Variants in SHC3 observed in about 807,000 individuals in gnomAD.
SHC3 encodes the protein SHC-transforming protein 3.
In SHC3, 15 loss-of-function variants were observed where a neutral mutation model predicts 60.4. The observed-to-expected ratio is 0.25, with a 90% CI of 0.17 to 0.38. The LOEUF is 0.38. Among genes scored for constraint, SHC3 ranks in the 10% least tolerant of loss-of-function variants. The pLI is 1.00. For missense variants in SHC3, 677 were observed against 786.1 expected (o/e 0.86, Z 1.66); for synonymous variants, 294 against 325.9 (o/e 0.90, Z 1.05).
chr9:89,091,288 T>A (rs1825617662), intron 2 of SHC3, among the ~76,000 whole-genome samples: 1 of 151,958 alleles, frequency 6.6e-6, no homozygotes, highest in Non-Finnish European at 1.5e-5. Flanking sequence ...ACAACCAAAA[T>A]CAGAACCAGA....
intron 3 of SHC3, among the ~76,000 whole-genome samples, chr9:89,077,221 C>T (rs776989980): frequency 6.6e-6 from 1 of 151,894 alleles, no homozygotes; most frequent in Non-Finnish European, 1.5e-5. Context: ...AATAAATGCT[C>T]AACATGCATC....
rs1587692983 is a variant in SHC3, at chr9:89,045,743, C to T, written c.1201+3G>A. The T allele has an allele frequency of 7.4e-6, 12 of 1,613,962 alleles. No homozygotes were observed. In the East Asian group the frequency reaches 2.5e-4, roughly 33 times the overall value. On this transcript the variant is annotated splice_donor_region_variant and intron_variant, in intron 9 of 11. Transcript: ENST00000375835. ...TTCTCACCCATCTCACCTTGCCTCT[C>T]ACCTTGCCTTAAAGGTGTTTGCTGC...
In SHC3 at chr9:89,013,380, C is replaced by T. The variant is rs1468826178; in HGVS notation, c.*67G>A. ...CAGGCAGCTGTCCCAGTTCCAGCAG[C>T]CCCGATTCTAGTCCACTCCAGGTCC... On this transcript the variant is annotated 3_prime_UTR_variant, in exon 12 of 12. Coordinates refer to ENST00000375835, the MANE Select transcript of SHC3 (RefSeq NM_016848.6). 3.6e-6 allele frequency: 5 copies of T among 1,407,582 alleles called. No homozygotes were observed. Among genetic ancestry groups the T allele is most frequent in the African/African-American group, 2.9e-5 (2 of 68,452 alleles). 87.2% of individuals were successfully genotyped at this position (1,407,582 alleles called of 1,614,324 possible).
intron 5 of SHC3, among the ~76,000 whole-genome samples, chr9:89,065,883 G>A (rs1439274917): frequency 1.3e-5 from 2 of 152,162 alleles, no homozygotes; most frequent in Non-Finnish European, 2.9e-5. Context: ...ACCGGAACTG[G>A]TTAGAAGTCC....
At chr9:89,176,951 C>A (rs1476214790) in intron 1 of SHC3, among the ~76,000 whole-genome samples, 1 of 152,200 alleles carries the variant, frequency 6.6e-6, no homozygotes, top group South Asian at 2.1e-4. Flanking sequence ...CCAATATTTA[C>A]GGAACAGACA....
intron 11 of SHC3, among the ~76,000 whole-genome samples, chr9:89,028,412 ACCTG>A (rs1826356063): frequency 2.0e-5 from 3 of 151,638 alleles, no homozygotes; most frequent in African/African-American, 7.3e-5. Context: ...GCAAACCAAC[ACCTG>A]CCTCAGAAGA....
intron 11 of SHC3, among the ~76,000 whole-genome samples, chr9:89,015,720 G>A (rs569330392): frequency 6.6e-6 from 1 of 152,176 alleles, no homozygotes; most frequent in Non-Finnish European, 1.5e-5. Flanking sequence ...AAACCACTGG[G>A]CAGCCAGGAC....
At position 89,127,871 on chromosome 9, in the gene SHC3, C is replaced by A. The variant is rs76144397; in HGVS notation, c.475-15245G>T. Among the ~76,000 whole-genome samples the A allele has an allele frequency of 2.6e-3, 399 of 152,012 alleles. 4 individuals are homozygous for A. Among genetic ancestry groups the A allele is most frequent in the African/African-American group, 8.5e-3 (353 of 41,462 alleles). ...TAGGATCCAGTATAAAAATGGGACCCTTAATTTTTGAGATCTGTTTTACCT... is the reference window on the plus strand; with the variant it reads ...TAGGATCCAGTATAAAAATGGGACCATTAATTTTTGAGATCTGTTTTACCT... On this transcript the variant is annotated intron_variant, in intron 1 of 11. Transcript: ENST00000375835.
intron 11 of SHC3, among the ~76,000 whole-genome samples, chr9:89,030,793 T>G (rs1377646432): frequency 6.6e-6 from 1 of 152,232 alleles, no homozygotes; most frequent in Non-Finnish European, 1.5e-5. Context: ...TCCTTCCGTT[T>G]TTCCTCCATA....
chr9:89,037,704 T>C (rs1824605198), intron 11 of SHC3, among the ~76,000 whole-genome samples: 1 of 152,222 alleles, frequency 6.6e-6, no homozygotes, highest in Non-Finnish European at 1.5e-5. Flanking sequence ...GTAAGGAAAA[T>C]GCTCTCAGTT....
intron 2 of SHC3, among the ~76,000 whole-genome samples, chr9:89,083,547 T>C (rs1384331638): frequency 6.6e-6 from 1 of 152,160 alleles, no homozygotes; most frequent in Non-Finnish European, 1.5e-5. Flanking sequence ...ATAGAAATAG[T>C]GTCAGTGTGT....
chr9:89,124,891 AT>A (rs1336951773), intron 1 of SHC3, among the ~76,000 whole-genome samples: 4 of 152,156 alleles, frequency 2.6e-5, no homozygotes, highest in South Asian at 2.1e-4. Context: ...AAGGAAAAAA[AT>A]ATCTCCCTCA....
chr9:89,177,849 T>C, intron 1 of SHC3, 138 bp downstream of exon 1: 1 of 1,102,004 alleles, frequency 9.1e-7, no homozygotes, highest in Non-Finnish European at 1.1e-6. Flanking sequence ...AGCTGATTGC[T>C]AAGGAGTGCG....
chr9:89,122,004 T>G (rs1356053697), intron 1 of SHC3, among the ~76,000 whole-genome samples: 3 of 152,248 alleles, frequency 2.0e-5, no homozygotes, highest in Non-Finnish European at 4.4e-5. Context: ...ATGGCTCTCC[T>G]TGGAGAATAA....
rs371519647 is a variant in SHC3, at chr9:89,033,019, C to T, written c.1656+4974G>A. Among the ~76,000 whole-genome samples the T allele has an allele frequency of 2.8e-3, 407 of 143,364 alleles. 3 individuals are homozygous for T. The highest frequency in any genetic ancestry group is 4.1e-3 in the Non-Finnish European group (263 of 64,372). The allele number at this position is 143,364 out of a possible 152,430, so 94.1% of individuals were successfully genotyped here. On this transcript the variant is annotated intron_variant, in intron 11 of 11. Transcript: ENST00000375835. ...AAAAAATTAGATCCAACAAAAAAGC[C>T]CCCCCACCGAAGAACAGTCATTAGT... is the stretch of plus-strand genomic sequence containing the variant.
At position 89,156,049 on chromosome 9, in the gene SHC3, C is replaced by T. The variant is rs182603733; in HGVS notation, c.474+21938G>A. 4.1e-4 allele frequency among the ~76,000 whole-genome samples: 63 copies of T among 152,236 alleles called. No homozygotes were observed. In the East Asian group the frequency reaches 8.7e-3, roughly 21 times the overall value. ...ATTTGTGCCCTTATAGAGTGCCCTCCCCCATTGAATGGGGCTGACCCATGT... is the reference window on the plus strand; with the variant it reads ...ATTTGTGCCCTTATAGAGTGCCCTCTCCCATTGAATGGGGCTGACCCATGT... On this transcript the variant is annotated intron_variant, in intron 1 of 11. Transcript: ENST00000375835.
chr9:89,038,381 A>T, intron 10 of SHC3, 93 bp from the exon 11 acceptor site: 1 of 1,363,978 alleles, frequency 7.3e-7, no homozygotes, highest in Admixed American at 2.7e-5. Flanking sequence ...AGAGATGGAA[A>T]TGCAAAGGCA....
intron 2 of SHC3, among the ~76,000 whole-genome samples, chr9:89,097,434 C>G (rs550290665): frequency 6.6e-6 from 1 of 152,294 alleles, no homozygotes; most frequent in East Asian, 1.9e-4. Flanking sequence ...GCTGTGTTTT[C>G]TAAAATAAGT....
At chr9:89,177,858 C>G in intron 1 of SHC3, 129 bp downstream of exon 1, 1 of 1,116,244 alleles carries the variant, frequency 9.0e-7, no homozygotes, top group Non-Finnish European at 1.1e-6. Context: ...CTAAGGAGTG[C>G]GCATTTGCTT....
Sources: gnomAD v4.1 joint callset for allele counts (sites outside exome capture counted in the v4.1 genomes callset) on GRCh38, gnomAD v4.1.1 for gene constraint, MANE v1.5 for transcripts, NCBI Gene and HGNC (gene_info 2026-07-23, HGNC 2026-07-21) for gene names.